Variants in NDST1 observed in about 807,000 individuals in gnomAD.
The protein encoded by NDST1 is N-deacetylase and N-sulfotransferase 1.
Under a neutral mutation model 92.8 loss-of-function variants are expected in NDST1, and 35 were observed. The observed-to-expected ratio is 0.38, with a 90% confidence interval of 0.29 to 0.50. The LOEUF (loss-of-function observed/expected upper bound fraction) is 0.50. Ranked by LOEUF, NDST1 falls within the 20% of genes least tolerant of loss-of-function variation. The pLI is 0.94. For missense variants in NDST1, 822 were observed against 1,182.7 expected (o/e 0.69, Z 4.47); for synonymous variants, 493 against 500.3 (o/e 0.99, Z 0.19).
upstream of NDST1, among the ~76,000 whole-genome samples, chr5:150,504,300 A>G (rs949083134): frequency 1.6e-4 from 25 of 152,062 alleles, no homozygotes; most frequent in African/African-American, 5.6e-4. Flanking sequence ...TGTTCCAAGG[A>G]CTTTTCTTAA....
Position 150,521,050 on chromosome 5 carries a change from G to A in NDST1, c.-205G>A, listed in dbSNP as rs1357421468. ...AAGGGGCGCGGAGGAAGGAAGGAGC[G>A]TGACCAGCCTGTGGACTGCGCCCCT... On this transcript the variant is annotated 5_prime_UTR_variant, in exon 2 of 15. It adds an upstream start codon to the 5' untranslated region. Transcript: ENST00000261797. This position sits in a 1 kb window ranked among gnomAD's most constrained non-coding sequence, Gnocchi z 5.9. 3.3e-6 allele frequency: 2 copies of A among 603,220 alleles called. No homozygotes were observed. The highest frequency in any genetic ancestry group is 2.0e-5 in the South Asian group (1 of 50,300). 37.4% of individuals were successfully genotyped at this position (603,220 alleles called of 1,614,324 possible). A position where few individuals can be genotyped will look rare whatever the true frequency, so the allele number is the denominator to read the frequency against.
In NDST1 at chr5:150,521,803, C is replaced by G. The variant is rs1159391154; in HGVS notation, c.513+36C>G. The G allele has an allele frequency of 6.2e-7, 1 of 1,608,896 alleles. No individual in the cohort carries two copies. The highest frequency in any genetic ancestry group is 8.5e-7 in the Non-Finnish European group (1 of 1,179,832). ...AGCAGGGTCCCCGAGCAGTTCAGAG[C>G]CCCCTCTGCAGCTCAGTGCCTGAAT... On this transcript the variant is annotated intron_variant, in intron 2 of 14. Transcript: ENST00000261797. This position sits in a 1 kb window ranked among gnomAD's most constrained non-coding sequence, Gnocchi z 5.9.
rs565756789 is a variant in NDST1 at position 150,545,534 on chromosome 5, G to T, written c.2145+48G>T. Reference sequence around the variant, plus strand: ...CCCTGTGTCGGGAACACAGGGCTCCGTCTGACACTCAGTTACTCACTCACT... The same window carrying T: ...CCCTGTGTCGGGAACACAGGGCTCCTTCTGACACTCAGTTACTCACTCACT... On this transcript the variant is annotated intron_variant, in intron 11 of 14. Coordinates refer to ENST00000261797, the MANE Select transcript of NDST1 (RefSeq NM_001543.5). The T allele has an allele frequency of 2.1e-5, 33 of 1,602,284 alleles. No homozygotes were observed. In the Admixed American group the frequency reaches 5.3e-4, roughly 26 times the overall value.
At chr5:150,541,415 G>A (rs1436058329) in intron 8 of NDST1, among the ~76,000 whole-genome samples, 155 bp from the exon 9 acceptor site, 1 of 152,180 alleles carries the variant, frequency 6.6e-6, no homozygotes, top group African/African-American at 2.4e-5. Flanking sequence ...CTGCCTGTCA[G>A]TGGCTCAGTG....
rs1227080550 is a variant in NDST1, at chr5:150,553,473, G to A, written c.*141G>A. The A allele has an allele frequency of 2.4e-6, 3 of 1,226,144 alleles. No individual in the cohort carries two copies. Among genetic ancestry groups the A allele is most frequent in the Non-Finnish European group, 3.5e-6 (3 of 849,066 alleles). The allele number at this position is 1,226,144 out of a possible 1,614,324, so 76.0% of individuals were successfully genotyped here. On this transcript the variant is annotated 3_prime_UTR_variant, in exon 15 of 15. Coordinates refer to ENST00000261797, the MANE Select transcript of NDST1 (RefSeq NM_001543.5). The surrounding 1 kb of genome is among the most constrained non-coding windows in gnomAD (Gnocchi z 4.2). ...TACTCTGTGGAGGTCTGGTGGGGCT[G>A]GGGGAGCACCCAGGCGGATCTGCAA...
Position 150,542,989 on chromosome 5 carries a change from TC to T in NDST1, c.1970+20del. ...ATCGACTGGTGAGTTGGCCTTTCTG[TC>T]CACAGCGGGACGGGAAGGCCATCCT... On this transcript the variant is annotated intron_variant, in intron 10 of 14. Transcript: ENST00000261797. 6.2e-7 allele frequency: 1 copy of T among 1,613,638 alleles called. No homozygotes were observed.
At chr5:150,548,196 G>C (rs765199971) in intron 11 of NDST1, 22 bp from the exon 12 acceptor site, 7 of 1,614,058 alleles carry the variant, frequency 4.3e-6, no homozygotes, top group Non-Finnish European at 5.1e-6. Flanking sequence ...GTGGCATGCT[G>C]ACCCTCTTTC....
At chr5:150,500,701 G>A (rs1318384641) in intron 1 of NDST1, among the ~76,000 whole-genome samples, 1 of 152,246 alleles carries the variant, frequency 6.6e-6, no homozygotes, top group Non-Finnish European at 1.5e-5. Flanking sequence ...GGCCTGGGTG[G>A]CCCAGTGACC....
chr5:150,542,729 A>T (rs1755299759), intron 9 of NDST1, 119 bp from the exon 10 acceptor site: 3 of 1,311,060 alleles, frequency 2.3e-6, no homozygotes, highest in Non-Finnish European at 3.3e-6. Flanking sequence ...AAGACCAGAG[A>T]AAGGCAGAGA....
chr5:150,552,645 G>GCCTGGC (rs1190359117), intron 14 of NDST1: 4 of 207,110 alleles, frequency 1.9e-5, no homozygotes, highest in Admixed American at 5.3e-5. Context: ...GAACCACCGT[G>GCCTGGC]CCTGGCCCTG....
chr5:150,520,712 G>A lies in NDST1; in HGVS notation c.-387-156G>A, dbSNP rs987158100. ...CCATTTTACAAGTAGGGAAACTGGG[G>A]CTCAGAGATATTAAAGAGCTTGCTC... On this transcript the variant is annotated intron_variant, in intron 1 of 14. Transcript: ENST00000261797. Among the ~76,000 whole-genome samples, 5 of 152,216 alleles carry A rather than the reference G, an allele frequency of 3.3e-5. No homozygotes were observed. In the East Asian group the frequency reaches 9.6e-4, roughly 29 times the overall value.
chr5:150,519,618 G>A (rs568570801), intron 1 of NDST1, among the ~76,000 whole-genome samples: 1 of 152,208 alleles, frequency 6.6e-6, no homozygotes, highest in South Asian at 2.1e-4. Flanking sequence ...AACTGGGGAG[G>A]CGGAGGTGGC....
intron 1 of NDST1, among the ~76,000 whole-genome samples, chr5:150,503,016 C>T (rs1753300758): frequency 6.6e-6 from 1 of 152,064 alleles, no homozygotes; most frequent in Non-Finnish European, 1.5e-5. Flanking sequence ...TGAATCCTTG[C>T]CTGCTGCTTG....
rs1034908512 is a variant in NDST1 at position 150,557,184 on chromosome 5, G to C, written c.*3852G>C. 1 of 152,584 alleles carries C rather than the reference G, an allele frequency of 6.6e-6. No homozygotes were observed. The highest frequency in any genetic ancestry group is 2.4e-5 in the African/African-American group (1 of 41,466). 9.5% of individuals were successfully genotyped at this position (152,584 alleles called of 1,614,324 possible). On this transcript the variant is annotated 3_prime_UTR_variant, in exon 15 of 15. Transcript: ENST00000261797. The surrounding 1 kb of genome is among the most constrained non-coding windows in gnomAD (Gnocchi z 4.7). ...GGGCCAGTTAGAGCAAGAGCTCTGG[G>C]GGGGCCGGAAAGTCTCCCTGGAGAA...
rs373243938 is a variant in NDST1, at chr5:150,521,698, C to T, written c.444C>T (p.Asp148=). The change falls in exon 2 of 15, where the codon GAC becomes GAT. Residue 148 remains aspartate, a synonymous_variant. Transcript: ENST00000261797. This position sits in a 1 kb window ranked among gnomAD's most constrained non-coding sequence, Gnocchi z 5.9. ...YENILKYVNL[D]AWNRELLDKY... Reference sequence around the variant, plus strand: ...ACATCCTCAAGTATGTCAACCTGGACGCCTGGAACCGGGAGCTGCTGGACA... The same window carrying T: ...ACATCCTCAAGTATGTCAACCTGGATGCCTGGAACCGGGAGCTGCTGGACA... 3.9e-5 allele frequency: 63 copies of T among 1,613,956 alleles called. No individual in the cohort carries two copies. Among genetic ancestry groups the T allele is most frequent in the African/African-American group, 2.9e-4 (22 of 74,916 alleles).
intron 3 of NDST1, among the ~76,000 whole-genome samples, chr5:150,531,152 G>A (rs1754713305): frequency 6.6e-6 from 1 of 152,026 alleles, no homozygotes; most frequent in Non-Finnish European, 1.5e-5. Flanking sequence ...AGCTTGTACA[G>A]TACTGGCTGT....
rs1754905281 is a variant in NDST1, at chr5:150,534,718, C to T, written c.1097-149C>T. 5 of 907,434 alleles carry T rather than the reference C, an allele frequency of 5.5e-6. No individual in the cohort carries two copies. The East Asian group carries it at 1.3e-4, about 23-fold the overall frequency. 56.2% of individuals were successfully genotyped at this position (907,434 alleles called of 1,614,324 possible). A position where few individuals can be genotyped will look rare whatever the true frequency, so the allele number is the denominator to read the frequency against. On this transcript the variant is annotated intron_variant, in intron 4 of 14. Transcript: ENST00000261797. Reference sequence around the variant, plus strand: ...TAGAATTCAGGGCTCTGGGCTGGGGCTCTGTCTGCTCCTGTGCTGTAGCCC... The same window carrying T: ...TAGAATTCAGGGCTCTGGGCTGGGGTTCTGTCTGCTCCTGTGCTGTAGCCC...
chr5:150,545,459 C>T lies in NDST1; in HGVS notation c.2118C>T (p.Pro706=), dbSNP rs145787796. Residue 706 remains proline, a synonymous_variant, in exon 11 of 15, where the codon CCC becomes CCT. Coordinates refer to ENST00000261797, the MANE Select transcript of NDST1 (RefSeq NM_001543.5). ...KAKVLTILIN[P]ADRAYSWYQH... The stretch of plus-strand genomic sequence containing the variant: ...AGGTCCTGACCATCCTCATCAACCC[C>T]GCGGACCGGGCCTATTCCTGGTACC... 125 of 1,614,138 alleles carry T rather than the reference C, an allele frequency of 7.7e-5. No homozygotes were observed. Among genetic ancestry groups the T allele is most frequent in the Non-Finnish European group, 9.9e-5 (117 of 1,180,050 alleles).
intron 3 of NDST1, among the ~76,000 whole-genome samples, chr5:150,531,328 A>T (rs1201110466): frequency 6.6e-6 from 1 of 151,928 alleles, no homozygotes; most frequent in East Asian, 1.9e-4. Flanking sequence ...AGGCTCAGGG[A>T]GTTGAGGTAA....
Sources: allele counts gnomAD v4.1 joint callset (sites outside exome capture counted in the v4.1 genomes callset), GRCh38; gene constraint gnomAD v4.1.1; non-coding constraint Gnocchi (gnomAD v3.1); transcripts MANE v1.5; gene names NCBI Gene and HGNC (gene_info 2026-07-23, HGNC 2026-07-21).